Variants in KCND2 observed in about 807,000 individuals in gnomAD.
The protein encoded by KCND2 is potassium voltage-gated channel subfamily D member 2.
KCND2 carries 16 observed loss-of-function variants against 54.4 expected under a neutral mutation model. The ratio of observed to expected loss-of-function variants is 0.29; its 90% CI spans 0.20 to 0.45. The LOEUF is 0.45. Among genes scored for constraint, KCND2 ranks in the 20% least tolerant of loss-of-function variants. The pLI is 1.00. For missense variants in KCND2, 486 were observed against 824.2 expected (o/e 0.59, Z 5.02); for synonymous variants, 317 against 310.7 (o/e 1.02, Z -0.21).
intron 1 of KCND2, among the ~76,000 whole-genome samples, chr7:120,455,577 C>A (rs1802186835): frequency 6.6e-6 from 1 of 152,284 alleles, no homozygotes; most frequent in African/African-American, 2.4e-5. Flanking sequence ...GACATGGAAT[C>A]AACCTGAATT....
At chr7:120,450,215 A>G (rs1405723993) in intron 1 of KCND2, among the ~76,000 whole-genome samples, 1 of 152,184 alleles carries the variant, frequency 6.6e-6, no homozygotes, top group Admixed American at 6.5e-5. Context: ...GATCGAGACC[A>G]TCCTGGCCAA....
intron 1 of KCND2, among the ~76,000 whole-genome samples, chr7:120,604,795 T>C (rs142314189): frequency 1.6e-3 from 242 of 152,200 alleles, no homozygotes; most frequent in Middle Eastern, 0.01. Flanking sequence ...GTGCATCATC[T>C]TTCATGTAAG....
At chr7:120,670,073 G>A (rs1428589256) in intron 1 of KCND2, among the ~76,000 whole-genome samples, 3 of 151,752 alleles carry the variant, frequency 2.0e-5, no homozygotes, top group Non-Finnish European at 4.4e-5. Context: ...CAGGATAAGG[G>A]GTGAACTAAA....
At chr7:120,528,350 T>A (rs1358362883) in intron 1 of KCND2, among the ~76,000 whole-genome samples, 1 of 152,144 alleles carries the variant, frequency 6.6e-6, no homozygotes, top group African/African-American at 2.4e-5. Flanking sequence ...AAGAGTTTTT[T>A]AAAGTGATTT....
chr7:120,646,230 A>C, intron 1 of KCND2, among the ~76,000 whole-genome samples: 1 of 152,172 alleles, frequency 6.6e-6, no homozygotes, highest in Admixed American at 6.5e-5. Flanking sequence ...ATGAAGAGAA[A>C]TTTGAAAAAC....
intron 1 of KCND2, among the ~76,000 whole-genome samples, chr7:120,643,194 T>G (rs1423387535): frequency 1.3e-5 from 2 of 152,208 alleles, no homozygotes; most frequent in Non-Finnish European, 2.9e-5. Context: ...TATTTGTGCC[T>G]AAGTAAGGAA....
intron 1 of KCND2, among the ~76,000 whole-genome samples, chr7:120,293,167 A>G (rs1196897372): frequency 1.3e-5 from 2 of 151,982 alleles, no homozygotes; most frequent in Non-Finnish European, 2.9e-5. Context: ...ACTAATAAAA[A>G]TGTATTGTTT....
intron 1 of KCND2, among the ~76,000 whole-genome samples, chr7:120,728,212 A>C (rs1207976840): frequency 6.6e-6 from 1 of 151,342 alleles, no homozygotes; most frequent in African/African-American, 2.4e-5. Flanking sequence ...AACGATGTTC[A>C]AGTTGCTGTG....
chr7:120,375,651 A>G (rs528033013), intron 1 of KCND2, among the ~76,000 whole-genome samples: 2 of 151,968 alleles, frequency 1.3e-5, no homozygotes, highest in South Asian at 4.1e-4. Context: ...TCATCATAAT[A>G]TTACAGTTAA....
chr7:120,387,767 G>T (rs1425592455), intron 1 of KCND2, among the ~76,000 whole-genome samples: 1 of 151,892 alleles, frequency 6.6e-6, no homozygotes, highest in African/African-American at 2.4e-5. Flanking sequence ...TTTTATCATA[G>T]AAAAATAAAT....
At chr7:120,594,744 G>A (rs1271909187) in intron 1 of KCND2, among the ~76,000 whole-genome samples, 5 of 152,114 alleles carry the variant, frequency 3.3e-5, no homozygotes, top group East Asian at 1.9e-4. Context: ...ACTGGAAGCC[G>A]GGTACTGTGG....
chr7:120,715,234 T>G (rs1386815398), intron 1 of KCND2, among the ~76,000 whole-genome samples: 10 of 152,060 alleles, frequency 6.6e-5, no homozygotes, highest in Non-Finnish European at 5.9e-5. Flanking sequence ...TTTCTTTTTC[T>G]TTTTAGAAAT....
At chr7:120,362,861 A>C (rs1271765771) in intron 1 of KCND2, among the ~76,000 whole-genome samples, 2 of 152,038 alleles carry the variant, frequency 1.3e-5, no homozygotes, top group African/African-American at 4.8e-5. Context: ...CCACCTCTAT[A>C]GGTTGGATGC....
intron 1 of KCND2, among the ~76,000 whole-genome samples, chr7:120,413,069 A>G (rs1246716610): frequency 2.0e-5 from 3 of 152,098 alleles, no homozygotes; most frequent in African/African-American, 7.2e-5. Context: ...TGTGTTAAGT[A>G]GATATTGTGA....
At chr7:120,557,768 G>C (rs1030513534) in intron 1 of KCND2, among the ~76,000 whole-genome samples, 2 of 152,088 alleles carry the variant, frequency 1.3e-5, no homozygotes, top group Admixed American at 1.3e-4. Flanking sequence ...CTGAATTCCA[G>C]CTCATGGAAT....
At chr7:120,733,136 A>G in intron 2 of KCND2, 71 bp downstream of exon 2, 1 of 1,507,656 alleles carries the variant, frequency 6.6e-7, no homozygotes. Context: ...AAAATTTCTT[A>G]ATGGTTATTC....
intron 1 of KCND2, among the ~76,000 whole-genome samples, chr7:120,521,127 C>T (rs569261709): frequency 1.3e-5 from 2 of 152,154 alleles, no homozygotes; most frequent in African/African-American, 4.8e-5. Context: ...CTGTTAAAAT[C>T]ATATTGCTGT....
chr7:120,670,642 C>T (rs1171448638), intron 1 of KCND2, among the ~76,000 whole-genome samples: 4 of 151,976 alleles, frequency 2.6e-5, no homozygotes, highest in African/African-American at 4.8e-5. Flanking sequence ...TAGGGCTGGG[C>T]GCGGTGGCTC....
At chr7:120,738,086 A>G (rs758253172) in intron 2 of KCND2, among the ~76,000 whole-genome samples, 9 of 152,016 alleles carry the variant, frequency 5.9e-5, no homozygotes, top group Non-Finnish European at 1.3e-4. Flanking sequence ...AAAACAATCT[A>G]CTTGATAAAA....
Sources: allele counts gnomAD v4.1 joint callset (sites outside exome capture counted in the v4.1 genomes callset), GRCh38; gene constraint gnomAD v4.1.1; transcripts MANE v1.5; gene names NCBI Gene and HGNC (gene_info 2026-07-23, HGNC 2026-07-21).